The following NAV3 variants were observed in gnomAD, a reference collection of about 807,000 sequenced individuals.
NAV3 encodes neuron navigator 3, also known as pore membrane and/or filament interacting like protein 1.
A neutral mutation model predicts 244.7 loss-of-function variants in NAV3; 87 were observed. That is an observed-to-expected ratio of 0.36 (90% CI 0.30 to 0.42). The LOEUF (loss-of-function observed/expected upper bound fraction) is 0.42, where lower values mean the gene tolerates loss of function less well. NAV3 is among the 20% of genes least tolerant of loss of function. NAV3 has a pLI of 1.00. For synonymous variants in NAV3, 1,126 were observed against 1,042.2 expected (o/e 1.08, Z -1.55); for missense variants, 2,663 against 2,893.3 (o/e 0.92, Z 1.83).
At chr12:77,951,360 C>T (rs990571219) in intron 3 of NAV3, among the ~76,000 whole-genome samples, 1 of 152,098 alleles carries the variant, frequency 6.6e-6, no homozygotes, top group African/African-American at 2.4e-5. Flanking sequence ...CAAACCAAAA[C>T]CGCAATGAGA....
chr12:78,003,064 T>A (rs554728101), intron 7 of NAV3, among the ~76,000 whole-genome samples: 1 of 151,374 alleles, frequency 6.6e-6, no homozygotes, highest in East Asian at 1.9e-4. Context: ...AATATAAGCA[T>A]GTGCAGAATG....
intron 1 of NAV3, among the ~76,000 whole-genome samples, chr12:77,877,289 A>G (rs957124331): frequency 1.3e-5 from 2 of 152,098 alleles, no homozygotes; most frequent in Admixed American, 1.3e-4. Flanking sequence ...TTTTATTATT[A>G]AAATAATAGA....
chr12:77,992,310 A>G (rs1234050414), intron 5 of NAV3, among the ~76,000 whole-genome samples: 1 of 152,210 alleles, frequency 6.6e-6, no homozygotes, highest in African/African-American at 2.4e-5. Context: ...AGTTAGCATG[A>G]TAAACATCGG....
chr12:77,787,669 G>C lies in NAV3; in HGVS notation c.73-152650G>C, dbSNP rs539603942. 5.9e-5 allele frequency among the ~76,000 whole-genome samples: 9 copies of C among 152,230 alleles called. No individual in the cohort carries two copies. The East Asian group carries it at 1.2e-3, about 20-fold the overall frequency. Reference sequence around the variant, plus strand: ...CCCCGTGATTCAGTTATCTCCACCTGATCCCTCCCATGCCACTAGGATTAT... The same window carrying C: ...CCCCGTGATTCAGTTATCTCCACCTCATCCCTCCCATGCCACTAGGATTAT... On this transcript the variant is annotated intron_variant, in intron 2 of 8. Transcript: ENST00000550042.
chr12:77,961,545 T>C lies in NAV3; in HGVS notation c.415-4684T>C, dbSNP rs111529756. Among the ~76,000 whole-genome samples the C allele has an allele frequency of 2.1e-5, 3 of 144,712 alleles. No homozygotes were observed. In the East Asian group the frequency reaches 5.9e-4, roughly 28 times the overall value. The allele number at this position is 144,712 out of a possible 152,430, so 94.9% of individuals were successfully genotyped here. A position where few individuals can be genotyped will look rare whatever the true frequency, so the allele number is the denominator to read the frequency against. ...TATACTTTAATAATATATAACTGTATATGTAATATATATTATTAAAGTAAA... is the reference window on the plus strand; with the variant it reads ...TATACTTTAATAATATATAACTGTACATGTAATATATATTATTAAAGTAAA... On this transcript the variant is annotated intron_variant, in intron 3 of 39. Transcript: ENST00000397909.
intron 7 of NAV3, among the ~76,000 whole-genome samples, chr12:77,998,915 T>A (rs1872785687): frequency 6.6e-6 from 1 of 152,188 alleles, no homozygotes; most frequent in Non-Finnish European, 1.5e-5. Flanking sequence ...TAGGTTTTTA[T>A]CTTTGCAAGC....
At chr12:77,586,518 GTTGA>G (rs1277045268) in intron 2 of NAV3, among the ~76,000 whole-genome samples, 1 of 152,156 alleles carries the variant, frequency 6.6e-6, no homozygotes, top group African/African-American at 2.4e-5. Flanking sequence ...CTAATAGAAT[GTTGA>G]TTAACTGAAG....
At chr12:77,840,578 G>T (rs983814291) in intron 1 of NAV3, among the ~76,000 whole-genome samples, 8 of 152,180 alleles carry the variant, frequency 5.3e-5, no homozygotes, top group African/African-American at 1.9e-4. Flanking sequence ...TATCTTGGAG[G>T]ATAAATACAT....
At position 78,177,245 on chromosome 12, in the gene NAV3, C is replaced by A. The variant is rs1237950130; in HGVS notation, c.5229C>A (p.Ser1743=). 2 of 1,613,518 alleles carry A rather than the reference C, an allele frequency of 1.2e-6. No individual in the cohort carries two copies. Among genetic ancestry groups the A allele is most frequent in the Admixed American group, 3.3e-5 (2 of 59,974 alleles). The change falls in exon 27 of 40, where the codon TCC becomes TCA. Residue 1743 remains serine, a synonymous_variant. Coordinates refer to ENST00000397909, the MANE Select transcript of NAV3 (RefSeq NM_001024383.2). ...EELTDSSLPA[S]PKLPHNAGDC... ...TTACTGATTCATCCCTTCCGGCATCCCCCAAGTTACCCCATAATGCTGGTG... is the reference window on the plus strand; with the variant it reads ...TTACTGATTCATCCCTTCCGGCATCACCCAAGTTACCCCATAATGCTGGTG...
intron 2 of NAV3, among the ~76,000 whole-genome samples, chr12:77,595,238 AAG>A (rs1301553364): frequency 6.6e-6 from 1 of 152,204 alleles, no homozygotes; most frequent in Non-Finnish European, 1.5e-5. Flanking sequence ...AAAAAAAAGA[AAG>A]AAGATTTGGG....
intron 2 of NAV3, among the ~76,000 whole-genome samples, chr12:77,793,669 C>G (rs913099681): frequency 1.3e-5 from 2 of 152,202 alleles, no homozygotes; most frequent in Admixed American, 1.3e-4. Context: ...TTTTTTATGG[C>G]TGCATAGTAT....
In NAV3 at chr12:78,210,623, C is replaced by G; in HGVS notation, c.*106C>G. On this transcript the variant is annotated 3_prime_UTR_variant, in exon 40 of 40. Transcript: ENST00000397909. ...AGTATAAAAGCACCCTGTCAAGGGCCCTGACCCAGAGTTGTGGTCTCCAAG... is the reference window on the plus strand; with the variant it reads ...AGTATAAAAGCACCCTGTCAAGGGCGCTGACCCAGAGTTGTGGTCTCCAAG... 1 of 1,361,898 alleles carries G rather than the reference C, an allele frequency of 7.3e-7. No individual in the cohort carries two copies. Among genetic ancestry groups the G allele is most frequent in the Non-Finnish European group, 9.9e-7 (1 of 1,008,264 alleles). 84.4% of individuals were successfully genotyped at this position (1,361,898 alleles called of 1,614,324 possible). A position where few individuals can be genotyped will look rare whatever the true frequency, so the allele number is the denominator to read the frequency against.
intron 2 of NAV3, among the ~76,000 whole-genome samples, chr12:77,604,414 A>G (rs1320073311): frequency 1.3e-5 from 2 of 152,118 alleles, no homozygotes; most frequent in Non-Finnish European, 2.9e-5. Context: ...TCTCAGAAAG[A>G]TGAAGAACAT....
chr12:77,795,699 T>A (rs1219503534), intron 2 of NAV3, among the ~76,000 whole-genome samples: 1 of 152,160 alleles, frequency 6.6e-6, no homozygotes, highest in East Asian at 1.9e-4. Flanking sequence ...GTAGGCTGAC[T>A]CTAACGTTAA....
intron 2 of NAV3, among the ~76,000 whole-genome samples, chr12:77,585,389 G>C (rs1869553757): frequency 6.6e-6 from 1 of 152,020 alleles, no homozygotes; most frequent in South Asian, 2.1e-4. Context: ...CTTTTACCTG[G>C]GTAGCAGCCT....
At chr12:77,812,706 G>A (rs917215162) in intron 2 of NAV3, among the ~76,000 whole-genome samples, 7 of 152,122 alleles carry the variant, frequency 4.6e-5, no homozygotes, top group African/African-American at 1.7e-4. Context: ...AGGATTACAA[G>A]TGAGAGCCAC....
At chr12:77,670,069 G>A (rs1255675655) in intron 2 of NAV3, among the ~76,000 whole-genome samples, 1 of 151,982 alleles carries the variant, frequency 6.6e-6, no homozygotes, top group Non-Finnish European at 1.5e-5. Flanking sequence ...TAAACAGGAA[G>A]AGAGAATATC....
chr12:77,675,531 A>G (rs1194214048), intron 2 of NAV3, among the ~76,000 whole-genome samples: 1 of 152,210 alleles, frequency 6.6e-6, no homozygotes, highest in Non-Finnish European at 1.5e-5. Context: ...CAACACCTAG[A>G]TTAGATTCCC....
chr12:77,585,476 T>G (rs1347532192), intron 2 of NAV3, among the ~76,000 whole-genome samples: 1 of 127,152 alleles, frequency 7.9e-6, no homozygotes, highest in Non-Finnish European at 1.7e-5. Context: ...AATTTCTTGT[T>G]AAGAAAGGAA....
Sources: gnomAD v4.1 joint callset for allele counts (sites outside exome capture counted in the v4.1 genomes callset) on GRCh38, gnomAD v4.1.1 for gene constraint, MANE v1.5 for transcripts, NCBI Gene and HGNC (gene_info 2026-07-23, HGNC 2026-07-21) for gene names.